The following STARD13 variants were observed in gnomAD, a reference collection of about 807,000 sequenced individuals.
STARD13 encodes the protein StAR related lipid transfer domain containing 13.
Under a neutral mutation model 106.4 loss-of-function variants are expected in STARD13, and 62 were observed. The observed-to-expected ratio is 0.58, with a 90% CI of 0.48 to 0.72. STARD13 has a LOEUF of 0.72. Ranked by LOEUF, STARD13 falls within the 30% of genes least tolerant of loss-of-function variation. The probability of loss-of-function intolerance (pLI) is 0.00; values close to 1 mark genes in which losing one functional copy is unlikely to be tolerated. For synonymous variants in STARD13, 565 were observed against 553.0 expected (o/e 1.02, Z -0.31); for missense variants, 1,387 against 1,424.0 (o/e 0.97, Z 0.42).
the STARD13 span, among the ~76,000 whole-genome samples, chr13:33,528,265 T>TATATATATATAC: frequency 2.3e-5 from 3 of 131,528 alleles, no homozygotes; most frequent in African/African-American, 9.6e-5. Context: ...TACATATATA[T>TATATATATATAC]ATATATATAC....
At chr13:33,133,754 T>G (rs760474215) in intron 4 of STARD13, among the ~76,000 whole-genome samples, 1 of 152,224 alleles carries the variant, frequency 6.6e-6, no homozygotes, top group African/African-American at 2.4e-5. Flanking sequence ...AAATGTTGTT[T>G]GTGATCCACC....
the STARD13 span, among the ~76,000 whole-genome samples, chr13:33,618,580 A>C: frequency 1.6e-3 from 246 of 152,122 alleles, 3 homozygotes; most frequent in Non-Finnish European, 2.5e-3. Context: ...TGAGGATACA[A>C]ATTAAATAAA....
rs17078581 is a variant in STARD13 at position 33,137,262 on chromosome 13, A to G, written c.387+5048T>C. On this transcript the variant is annotated intron_variant, in intron 4 of 13. Coordinates refer to ENST00000336934, the MANE Select transcript of STARD13 (RefSeq NM_178006.4). ...ACTGACAGTTGAGAAACTGTTCTAGATTGAGCAAAGGTCTGCAAGTGTTTT... is the reference window on the plus strand; with the variant it reads ...ACTGACAGTTGAGAAACTGTTCTAGGTTGAGCAAAGGTCTGCAAGTGTTTT... 9.1e-3 allele frequency among the ~76,000 whole-genome samples: 1,392 copies of G among 152,354 alleles called. 54 individuals carry two copies. The highest frequency in any genetic ancestry group is 0.074 in the Admixed American group (1,139 of 15,306).
chr13:33,114,676 T>C (rs1875105255), intron 8 of STARD13, among the ~76,000 whole-genome samples: 2 of 152,204 alleles, frequency 1.3e-5, no homozygotes, highest in Admixed American at 6.5e-5. Context: ...TGTGTATACA[T>C]TGTTTAACTT....
chr13:33,106,520 T>C (rs922871848), intron 13 of STARD13, among the ~76,000 whole-genome samples: 1 of 152,000 alleles, frequency 6.6e-6, no homozygotes, highest in African/African-American at 2.4e-5. Context: ...GACAGAAATA[T>C]AAGTAGGCAT....
the STARD13 span, among the ~76,000 whole-genome samples, chr13:33,660,762 T>G: frequency 6.6e-6 from 1 of 152,172 alleles, no homozygotes; most frequent in African/African-American, 2.4e-5. Flanking sequence ...TTCTTTATTT[T>G]CTGTAGAGAC....
the STARD13 span, among the ~76,000 whole-genome samples, chr13:33,423,040 C>T: frequency 6.6e-6 from 1 of 152,092 alleles, no homozygotes; most frequent in Admixed American, 6.6e-5. Flanking sequence ...CATGAGCAAG[C>T]ACTTCATGGC....
chr13:33,292,600 CA>C (rs139950581), intron 1 of STARD13, among the ~76,000 whole-genome samples: 1,416 of 137,806 alleles, frequency 0.01, 20 homozygotes, highest in African/African-American at 0.03. Context: ...GACCCCATTT[CA>C]AAAAAAAAAA....
intron 1 of STARD13, among the ~76,000 whole-genome samples, chr13:33,296,041 C>A (rs982289397): frequency 6.6e-6 from 1 of 151,062 alleles, no homozygotes. Context: ...GCCAACATGG[C>A]GAAACCTCGT....
the STARD13 span, among the ~76,000 whole-genome samples, chr13:33,561,237 G>GT: frequency 1.3e-5 from 2 of 150,614 alleles, no homozygotes; most frequent in Non-Finnish European, 2.9e-5. Context: ...GTTGATTTTG[G>GT]TTAAAAAAAA....
chr13:33,362,610 G>A, the STARD13 span, among the ~76,000 whole-genome samples: 22,185 of 152,046 alleles, frequency 0.15, 1,743 homozygotes, highest in Middle Eastern at 0.2. Flanking sequence ...TGCTTGGCAC[G>A]TGGTGATCTC....
the STARD13 span, among the ~76,000 whole-genome samples, chr13:33,466,961 A>T: frequency 6.6e-6 from 1 of 152,172 alleles, no homozygotes; most frequent in South Asian, 2.1e-4. Flanking sequence ...ACATAATATC[A>T]AATAAAAATC....
In STARD13 at chr13:33,106,952, G is replaced by A. The variant is rs368511343; in HGVS notation, c.3048-18C>T. On this transcript the variant is annotated intron_variant, in intron 12 of 13. Coordinates refer to ENST00000336934, the MANE Select transcript of STARD13 (RefSeq NM_178006.4). ...TCCAGGTCCTGTAGCAAAACAATCCGCACATCAGAGTCATGACTGAGGGAG... is the reference window on the plus strand; with the variant it reads ...TCCAGGTCCTGTAGCAAAACAATCCACACATCAGAGTCATGACTGAGGGAG... 2.2e-5 allele frequency: 36 copies of A among 1,604,076 alleles called. No homozygotes were observed. The highest frequency in any genetic ancestry group is 3.3e-4 in the Middle Eastern group (2 of 6,042).
chr13:33,111,574 G>A (rs1166670387), intron 10 of STARD13, among the ~76,000 whole-genome samples: 1 of 152,170 alleles, frequency 6.6e-6, no homozygotes, highest in Non-Finnish European at 1.5e-5. Context: ...CATCAGTATG[G>A]TAATCCCAAG....
chr13:33,132,438 A>G (rs1325968210), intron 4 of STARD13, among the ~76,000 whole-genome samples: 1 of 152,190 alleles, frequency 6.6e-6, no homozygotes, highest in Admixed American at 6.5e-5. Flanking sequence ...GTCTGCCGCC[A>G]TGTAAGATGT....
chr13:33,324,863 C>G (rs2077755976), intron 1 of STARD13, among the ~76,000 whole-genome samples: 1 of 152,206 alleles, frequency 6.6e-6, no homozygotes, highest in East Asian at 1.9e-4. Flanking sequence ...TGGTCTTCCA[C>G]ATCCTTGTCA....
At chr13:33,405,392 A>T in the STARD13 span, among the ~76,000 whole-genome samples, 1 of 152,234 alleles carries the variant, frequency 6.6e-6, no homozygotes, top group East Asian at 1.9e-4. Flanking sequence ...GTGCTCACAC[A>T]CACAGGGCCT....
chr13:33,250,409 C>T (rs941888207), intron 1 of STARD13, among the ~76,000 whole-genome samples: 11 of 152,142 alleles, frequency 7.2e-5, no homozygotes, highest in Non-Finnish European at 1.3e-4. Context: ...ATTTTATTCT[C>T]GCAAAAACAG....
At chr13:33,132,327 G>C (rs926405945) in intron 4 of STARD13, among the ~76,000 whole-genome samples, 2 of 152,110 alleles carry the variant, frequency 1.3e-5, no homozygotes, top group Non-Finnish European at 2.9e-5. Flanking sequence ...TGAATCGTGG[G>C]GGTGGTTCCC....
Sources: gnomAD v4.1 joint callset for allele counts (sites outside exome capture counted in the v4.1 genomes callset) on GRCh38, gnomAD v4.1.1 for gene constraint, MANE v1.5 for transcripts, NCBI Gene and HGNC (gene_info 2026-07-23, HGNC 2026-07-21) for gene names.